RAPGEF2: variants seen among roughly 807,000 people sequenced by gnomAD.
RAPGEF2 encodes the protein Rap guanine nucleotide exchange factor 2, also known as PDZ domain containing guanine nucleotide exchange factor (GEF) 1.
A neutral mutation model predicts 186.7 loss-of-function variants in RAPGEF2; 54 were observed. The observed-to-expected ratio is 0.29, with a 90% CI of 0.23 to 0.36. The LOEUF (loss-of-function observed/expected upper bound fraction) is 0.36. Among genes scored for constraint, RAPGEF2 ranks in the 10% least tolerant of loss-of-function variants. RAPGEF2 has a pLI of 1.00. For missense variants in RAPGEF2, 1,532 were observed against 2,045.0 expected (o/e 0.75, Z 4.84); for synonymous variants, 712 against 705.9 (o/e 1.01, Z -0.14).
At chr4:159,219,496 C>T (rs893012195) in intron 4 of RAPGEF2, among the ~76,000 whole-genome samples, 16 of 151,754 alleles carry the variant, frequency 1.1e-4, no homozygotes, top group African/African-American at 3.9e-4. Context: ...GCTGGGACTA[C>T]AGGCACCCGC....
In RAPGEF2 at chr4:159,343,129, A is replaced by G. The variant is rs937886061; in HGVS notation, c.3069A>G (p.Leu1023=). 14 of 1,614,100 alleles carry G rather than the reference A, an allele frequency of 8.7e-6. No individual in the cohort carries two copies. The African/African-American group carries it at 1.1e-4, about 12-fold the overall frequency. ...GTAATGTTCTCAATAGTCAAAATCTACAACCTCCCATAATCCCTCTATTCC... is the reference window on the plus strand; with the variant it reads ...GTAATGTTCTCAATAGTCAAAATCTGCAACCTCCCATAATCCCTCTATTCC... ...KYRNVLNSQN[L]QPPIIPLFPV... is the part of the protein sequence containing the mutation. Residue 1023 remains leucine (L), a synonymous_variant, in exon 21 of 30, where the codon CTA becomes CTG. Coordinates refer to ENST00000691494, the MANE Select transcript of RAPGEF2 (RefSeq NM_001394067.2).
At chr4:159,304,812 G>T (rs546435007) in intron 8 of RAPGEF2, among the ~76,000 whole-genome samples, 9 of 152,090 alleles carry the variant, frequency 5.9e-5, no homozygotes, top group African/African-American at 2.2e-4. Flanking sequence ...CATGGTGCCC[G>T]TTAAGTAATT....
At chr4:159,270,748 T>G (rs1423488901) in intron 7 of RAPGEF2, among the ~76,000 whole-genome samples, 1 of 152,196 alleles carries the variant, frequency 6.6e-6, no homozygotes, top group East Asian at 1.9e-4. Context: ...AAGTCTCAAC[T>G]TTTTTAACTA....
rs533736464 is a variant in RAPGEF2 at position 159,332,326 on chromosome 4, G to A, written c.1889-125G>A. ...TACTGTGTGATACTGTTTTTCTGCAGGTTTGCAGTTTTGATAACTGAAGTC... is the reference window on the plus strand; with the variant it reads ...TACTGTGTGATACTGTTTTTCTGCAAGTTTGCAGTTTTGATAACTGAAGTC... On this transcript the variant is annotated intron_variant, in intron 16 of 29. Transcript: ENST00000691494. The A allele has an allele frequency of 1.8e-4, 178 of 1,002,160 alleles. No individual in the cohort carries two copies. In the African/African-American group the frequency reaches 2.7e-3, roughly 15 times the overall value. The allele number at this position is 1,002,160 out of a possible 1,614,324, so 62.1% of individuals were successfully genotyped here.
chr4:159,121,758 C>T (rs1047061101), intron 1 of RAPGEF2, among the ~76,000 whole-genome samples: 4 of 151,652 alleles, frequency 2.6e-5, no homozygotes, highest in East Asian at 1.9e-4. Context: ...GAGCCGGGCT[C>T]GGTGGCTCAT....
Position 159,344,017 on chromosome 4 carries a change from C to T in RAPGEF2, c.3255-19C>T, listed in dbSNP as rs755461038. 2 of 1,530,976 alleles carry T rather than the reference C, an allele frequency of 1.3e-6. No individual in the cohort carries two copies. Among genetic ancestry groups the T allele is most frequent in the East Asian group, 4.5e-5 (2 of 44,474 alleles). The allele number at this position is 1,530,976 out of a possible 1,614,324, so 94.8% of individuals were successfully genotyped here. A position where few individuals can be genotyped will look rare whatever the true frequency, so the allele number is the denominator to read the frequency against. On this transcript the variant is annotated intron_variant, in intron 22 of 29. Coordinates refer to ENST00000691494, the MANE Select transcript of RAPGEF2 (RefSeq NM_001394067.2). ...TCTTTCTACACCCATGCTTCAATCT[C>T]CATGGCTCTCACTTACAGGAAGAAG...
intron 13 of RAPGEF2, chr4:159,330,762 T>A (rs1766582375): frequency 2.8e-6 from 1 of 356,868 alleles, no homozygotes; most frequent in Non-Finnish European, 5.0e-6. Context: ...AAACATTTTT[T>A]TAAGTTCTGT....
At chr4:159,148,306 A>C (rs533042656) in intron 1 of RAPGEF2, among the ~76,000 whole-genome samples, 35 of 152,328 alleles carry the variant, frequency 2.3e-4, no homozygotes, top group South Asian at 6.2e-4. Flanking sequence ...AAGTATAGAC[A>C]GTTAGGCAAG....
At chr4:159,287,912 A>G (rs1020161173) in intron 7 of RAPGEF2, among the ~76,000 whole-genome samples, 3 of 152,172 alleles carry the variant, frequency 2.0e-5, no homozygotes, top group Non-Finnish European at 4.4e-5. Flanking sequence ...TTCCAGGTCT[A>G]TGATTGTGCT....
chr4:159,253,457 G>A (rs1388955019), intron 7 of RAPGEF2, among the ~76,000 whole-genome samples: 3 of 152,132 alleles, frequency 2.0e-5, no homozygotes, highest in African/African-American at 7.2e-5. Flanking sequence ...CATAAAGAAA[G>A]GGCCTTAATT....
intron 4 of RAPGEF2, among the ~76,000 whole-genome samples, chr4:159,214,833 T>G (rs1324282153): frequency 1.3e-5 from 2 of 152,184 alleles, no homozygotes; most frequent in Non-Finnish European, 2.9e-5. Context: ...AAAACCTATT[T>G]GCAAAAGGAG....
At chr4:159,267,730 T>C (rs745680891) in intron 7 of RAPGEF2, 1 of 1,009,998 alleles carries the variant, frequency 9.9e-7, no homozygotes, top group Non-Finnish European at 1.2e-6. Flanking sequence ...CTGACTAATA[T>C]AATTCTGTGT....
Position 159,353,526 on chromosome 4 carries a change from T to C in RAPGEF2, c.4131T>C (p.Ala1377=), listed in dbSNP as rs1382705449. Residue 1377 remains alanine, a synonymous_variant, in exon 28 of 30, where the codon GCT becomes GCC. Coordinates refer to ENST00000691494, the MANE Select transcript of RAPGEF2 (RefSeq NM_001394067.2). The surrounding 1 kb of genome is among the most constrained non-coding windows in gnomAD (Gnocchi z 4.3). ...APMSEGRGLY[A]TATVISSPST... ...TGTCCGAGGGCCGAGGCTTATATGCTACAGCTACAGTAATTTCTTCTCCAA... is the reference window on the plus strand; with the variant it reads ...TGTCCGAGGGCCGAGGCTTATATGCCACAGCTACAGTAATTTCTTCTCCAA... 6.5e-7 allele frequency: 1 copy of C among 1,530,002 alleles called. No individual in the cohort carries two copies. Among genetic ancestry groups the C allele is most frequent in the Non-Finnish European group, 8.8e-7 (1 of 1,141,378 alleles). 94.8% of individuals were successfully genotyped at this position (1,530,002 alleles called of 1,614,324 possible).
rs375762838 is a variant in RAPGEF2 at position 159,261,351 on chromosome 4, C to T, written c.543+17560C>T. Reference sequence around the variant, plus strand: ...TGCTGGGATTACGGGCGTGAGCCACCGCATCCAGCTGAAAAAGGTTAATTA... The same window carrying T: ...TGCTGGGATTACGGGCGTGAGCCACTGCATCCAGCTGAAAAAGGTTAATTA... On this transcript the variant is annotated intron_variant, in intron 7 of 29. Transcript: ENST00000691494. 6.4e-4 allele frequency among the ~76,000 whole-genome samples: 98 copies of T among 152,150 alleles called. 1 individual carries two copies. The highest frequency in any genetic ancestry group is 6.8e-3 in the Middle Eastern group (2 of 294).
At chr4:159,232,370 G>C (rs995471073) in intron 4 of RAPGEF2, among the ~76,000 whole-genome samples, 1 of 152,130 alleles carries the variant, frequency 6.6e-6, no homozygotes, top group Non-Finnish European at 1.5e-5. Flanking sequence ...CATGTAAGTG[G>C]AATCATATGA....
At chr4:159,108,704 C>T (rs1738166096) in intron 1 of RAPGEF2, among the ~76,000 whole-genome samples, 1 of 151,986 alleles carries the variant, frequency 6.6e-6, no homozygotes, top group Non-Finnish European at 1.5e-5. Flanking sequence ...AGATGGGGTG[C>T]TTTCAGGATG....
chr4:159,354,874 T>G (rs1161535391), intron 28 of RAPGEF2, among the ~76,000 whole-genome samples: 1 of 152,212 alleles, frequency 6.6e-6, no homozygotes, highest in Non-Finnish European at 1.5e-5. Flanking sequence ...TATGGCACAA[T>G]TAACATCTAT....
intron 7 of RAPGEF2, among the ~76,000 whole-genome samples, chr4:159,251,346 G>A (rs373811155): frequency 7.9e-5 from 12 of 152,246 alleles, no homozygotes; most frequent in African/African-American, 2.2e-4. Flanking sequence ...CTCTGCCCGC[G>A]TCCCAGGCGT....
chr4:159,272,419 A>G (rs1375325456), intron 7 of RAPGEF2, among the ~76,000 whole-genome samples: 2 of 151,840 alleles, frequency 1.3e-5, no homozygotes, highest in Non-Finnish European at 2.9e-5. Flanking sequence ...TTCTTTTCTC[A>G]TTTCTCAGCT....
Sources: allele counts gnomAD v4.1 joint callset (sites outside exome capture counted in the v4.1 genomes callset), GRCh38; gene constraint gnomAD v4.1.1; non-coding constraint Gnocchi (gnomAD v3.1); transcripts MANE v1.5; gene names NCBI Gene and HGNC (gene_info 2026-07-23, HGNC 2026-07-21).